The following HLX variants were observed in gnomAD, a reference collection of about 807,000 sequenced individuals.
The protein encoded by HLX is H2.0-like homeobox protein.
A neutral mutation model predicts 27.7 loss-of-function variants in HLX; 6 were observed. The ratio of observed to expected loss-of-function variants is 0.22; its 90% CI spans 0.12 to 0.43. The LOEUF is 0.43. Among genes scored for constraint, HLX ranks in the 20% least tolerant of loss-of-function variants. The pLI, the probability that HLX is intolerant of heterozygous loss-of-function variation, is 1.00. For missense variants in HLX, 666 were observed against 655.2 expected, an observed-to-expected ratio of 1.02 and a Z score of -0.18; for synonymous variants, 328 against 293.8, an observed-to-expected ratio of 1.12 and a Z score of -1.19.
Position 220,882,247 on chromosome 1 carries a change from C to G in HLX, c.856C>G (p.Leu286Val). 6.2e-7 allele frequency: 1 copy of G among 1,614,242 alleles called. No homozygotes were observed. The highest frequency in any genetic ancestry group is 8.5e-7 in the Non-Finnish European group (1 of 1,180,026). The change falls in exon 3 of 4, where the codon CTG becomes GTG. Residue 286 changes from leucine (L) to valine (V), a missense_variant. Coordinates refer to ENST00000366903, the MANE Select transcript of HLX (RefSeq NM_021958.4). The part of the protein sequence containing the change: ...RSWSRAVFSN[L>V]QRKGLEKRFE... The stretch of plus-strand genomic sequence containing the variant: ...ATGGTCGCGCGCTGTGTTCTCCAAC[C>G]TGCAGAGGAAAGGCCTGGAGAAAAG...
chr1:220,880,090 C>T lies in HLX; in HGVS notation c.233C>T (p.Ser78Leu), dbSNP rs778005584. ...GCCGCCCTCACCGCGCACTTGGGCT[C>T]GGTTCACCCGCACGCCTCTTTCCAA... Reference protein sequence around the residue: ...SAAALTAHLGSVHPHASFQAA... With the variant: ...SAAALTAHLGLVHPHASFQAA... The change falls in exon 1 of 4, where the codon TCG becomes TTG. Residue 78 changes from serine to leucine, a missense_variant. Physicochemically the swap from Ser to Leu is moderately radical, Grantham distance 145. Coordinates refer to ENST00000366903, the MANE Select transcript of HLX (RefSeq NM_021958.4). 10 of 1,595,566 alleles carry T rather than the reference C, an allele frequency of 6.3e-6. No homozygotes were observed. The Admixed American group carries it at 1.0e-4, about 16-fold the overall frequency.
Position 220,884,732 on chromosome 1 carries a change from C to T in HLX, c.*28C>T. On this transcript the variant is annotated 3_prime_UTR_variant, in exon 4 of 4. Transcript: ENST00000366903. The surrounding 1 kb of genome is among the most constrained non-coding windows in gnomAD (Gnocchi z 4.9). ...TGTACTAGGGCGGAGGGGATCCGGG[C>T]CTTGCGTGCAGCCTCCCAACCATGG... 6.2e-7 allele frequency: 1 copy of T among 1,600,830 alleles called. No homozygotes were observed. The highest frequency in any genetic ancestry group is 8.5e-7 in the Non-Finnish European group (1 of 1,178,014).
chr1:220,879,748 G>C lies in HLX; in HGVS notation c.-110G>C. 1 of 1,420,956 alleles carries C rather than the reference G, an allele frequency of 7.0e-7. No homozygotes were observed. The highest frequency in any genetic ancestry group is 9.2e-7 in the Non-Finnish European group (1 of 1,092,708). The allele number at this position is 1,420,956 out of a possible 1,614,324, so 88.0% of individuals were successfully genotyped here. ...TCAGTGCGGGCGGAGAAGCGAAAGC[G>C]GATCGTCCTCGGCTGCCGCCGCCTT... On this transcript the variant is annotated 5_prime_UTR_variant, in exon 1 of 4. Transcript: ENST00000366903.
Position 220,884,065 on chromosome 1 carries a change from G to T in HLX, c.958-130G>T. 1.1e-6 allele frequency: 1 copy of T among 919,094 alleles called. No individual in the cohort carries two copies. 56.9% of individuals were successfully genotyped at this position (919,094 alleles called of 1,614,324 possible). A position where few individuals can be genotyped will look rare whatever the true frequency, so the allele number is the denominator to read the frequency against. ...GCGCCTACCACAGTGTCTGGTCCTT[G>T]GTAGAGTCGCCAAGTAAGCGTTGCT... On this transcript the variant is annotated intron_variant, in intron 3 of 3. Coordinates refer to ENST00000366903, the MANE Select transcript of HLX (RefSeq NM_021958.4). The surrounding 1 kb of genome is among the most constrained non-coding windows in gnomAD (Gnocchi z 4.9).
In HLX at chr1:220,884,605, C is replaced by A. The variant is rs779447590; in HGVS notation, c.1368C>A (p.Gly456=). 1 of 1,604,784 alleles carries A rather than the reference C, an allele frequency of 6.2e-7. No individual in the cohort carries two copies. Among genetic ancestry groups the A allele is most frequent in the Non-Finnish European group, 8.5e-7 (1 of 1,175,798 alleles). Reference sequence around the variant, plus strand: ...GTGCGGGTTGCGCCAGCAGCCTTGGCGGCGGCGGCGCCTCGGAGCTTCTCC... The same window carrying A: ...GTGCGGGTTGCGCCAGCAGCCTTGGAGGCGGCGGCGCCTCGGAGCTTCTCC... ...STSAGCASSL[G]GGGASELLPA... The change falls in exon 4 of 4, where the codon GGC becomes GGA. Residue 456 remains glycine (G), a synonymous_variant. Transcript: ENST00000366903. The surrounding 1 kb of genome is among the most constrained non-coding windows in gnomAD (Gnocchi z 4.9).
intron 2 of HLX, chr1:220,881,761 TAAACAC>T: frequency 6.0e-6 from 2 of 333,684 alleles, no homozygotes; most frequent in South Asian, 4.8e-5. Context: ...CATGCGGGAA[TAAACAC>T]ACACACACAC....
intron 3 of HLX, 86 bp downstream of exon 3, chr1:220,882,434 C>T: frequency 7.9e-7 from 1 of 1,264,728 alleles, no homozygotes; most frequent in Non-Finnish European, 1.1e-6. Flanking sequence ...CCATCCCGGC[C>T]GACTGGCCTC....
In HLX at chr1:220,880,164, G is replaced by A; in HGVS notation, c.307G>A (p.Glu103Lys). The A allele has an allele frequency of 6.2e-7, 1 of 1,612,834 alleles. No individual in the cohort carries two copies. Among genetic ancestry groups the A allele is most frequent in the South Asian group, 1.1e-5 (1 of 91,058 alleles). Residue 103 changes from glutamate (E) to lysine (K), a missense_variant, in exon 1 of 4, where the codon GAA becomes AAA. Glu to Lys is a moderately conservative substitution (Grantham distance 56). Transcript: ENST00000366903. ...LRPTPVVAPS[E>K]VPAGFPQRLS... ...ACCCACCCCAGTGGTGGCGCCCTCC[G>A]AAGTCCCGGCTGGCTTCCCGCAGCG...
In HLX at chr1:220,884,187, C is replaced by T. The variant is rs1674517317; in HGVS notation, c.958-8C>T. The T allele has an allele frequency of 1.2e-6, 2 of 1,613,716 alleles. No homozygotes were observed. The highest frequency in any genetic ancestry group is 1.7e-6 in the Non-Finnish European group (2 of 1,179,906). ...TCTCTTCTTGTCTCCCGGTGTGGCG[C>T]GGCGCAGGTGAAGGTGTGGTTCCAG... On this transcript the variant is annotated splice_region_variant and splice_polypyrimidine_tract_variant and intron_variant, in intron 3 of 3. Coordinates refer to ENST00000366903, the MANE Select transcript of HLX (RefSeq NM_021958.4). The surrounding 1 kb of genome is among the most constrained non-coding windows in gnomAD (Gnocchi z 4.9).
At position 220,880,317 on chromosome 1, in the gene HLX, A is replaced by G; in HGVS notation, c.460A>G (p.Thr154Ala). The G allele has an allele frequency of 1.2e-6, 2 of 1,613,092 alleles. No individual in the cohort carries two copies. Among genetic ancestry groups the G allele is most frequent in the Non-Finnish European group, 8.5e-7 (1 of 1,179,560 alleles). The change falls in exon 1 of 4, where the codon ACG becomes GCG. Residue 154 changes from threonine (T) to alanine (A), a missense_variant. Thr to Ala is a moderately conservative substitution (Grantham distance 58). Transcript: ENST00000366903. ...CGCCCTGCAGCCCCCGGCCTCGGGG[A>G]CGCGAGTGGTTCCGAACCCCCACCA... ...AGALQPPASGTRVVPNPHHSG... is the reference protein window; with the variant it reads ...AGALQPPASGARVVPNPHHSG...
At position 220,884,875 on chromosome 1, in the gene HLX, C is replaced by G. The variant is rs1335507109; in HGVS notation, c.*171C>G. 1 of 1,073,236 alleles carries G rather than the reference C, an allele frequency of 9.3e-7. No individual in the cohort carries two copies. The highest frequency in any genetic ancestry group is 1.3e-6 in the Non-Finnish European group (1 of 764,190). The allele number at this position is 1,073,236 out of a possible 1,614,324, so 66.5% of individuals were successfully genotyped here. On this transcript the variant is annotated 3_prime_UTR_variant, in exon 4 of 4. Coordinates refer to ENST00000366903, the MANE Select transcript of HLX (RefSeq NM_021958.4). The surrounding 1 kb of genome is among the most constrained non-coding windows in gnomAD (Gnocchi z 4.9). ...CTGCTCCGACTGGCTGCAGCGGACACTGCCCAAAGCAGAGGGGAGTCTCAG... is the reference window on the plus strand; with the variant it reads ...CTGCTCCGACTGGCTGCAGCGGACAGTGCCCAAAGCAGAGGGGAGTCTCAG...
chr1:220,883,394 G>C (rs1409796424), intron 3 of HLX: 2 of 152,600 alleles, frequency 1.3e-5, no homozygotes, highest in African/African-American at 4.8e-5. Context: ...GCTGGAACTT[G>C]TGTGAATGCG....
Position 220,885,046 on chromosome 1 carries a change from C to A in HLX, c.*342C>A. The A allele has an allele frequency of 3.0e-6, 1 of 332,384 alleles. No homozygotes were observed. The highest frequency in any genetic ancestry group is 5.7e-6 in the Non-Finnish European group (1 of 176,514). The allele number at this position is 332,384 out of a possible 1,614,324, so 20.6% of individuals were successfully genotyped here. Reference sequence around the variant, plus strand: ...CTTAAATTTGTAAATAAAATGTTTACTACGGTTTGTAAAGGCCGCTTGGCT... The same window carrying A: ...CTTAAATTTGTAAATAAAATGTTTAATACGGTTTGTAAAGGCCGCTTGGCT... On this transcript the variant is annotated 3_prime_UTR_variant, in exon 4 of 4. Coordinates refer to ENST00000366903, the MANE Select transcript of HLX (RefSeq NM_021958.4).
In HLX at chr1:220,884,102, G is replaced by A; in HGVS notation, c.958-93G>A. The A allele has an allele frequency of 7.7e-7, 1 of 1,294,994 alleles. No individual in the cohort carries two copies. Among genetic ancestry groups the A allele is most frequent in the Non-Finnish European group, 1.1e-6 (1 of 899,148 alleles). The allele number at this position is 1,294,994 out of a possible 1,614,324, so 80.2% of individuals were successfully genotyped here. On this transcript the variant is annotated intron_variant, in intron 3 of 3. Coordinates refer to ENST00000366903, the MANE Select transcript of HLX (RefSeq NM_021958.4). The surrounding 1 kb of genome is among the most constrained non-coding windows in gnomAD (Gnocchi z 4.9). ...AAGTAAGCGTTGCTTTTTCACTCAGGGAGGTGGCTTGAGGGTGCACGCGAG... is the reference window on the plus strand; with the variant it reads ...AAGTAAGCGTTGCTTTTTCACTCAGAGAGGTGGCTTGAGGGTGCACGCGAG...
intron 2 of HLX, 85 bp downstream of exon 2, chr1:220,881,458 C>T: frequency 8.7e-7 from 1 of 1,149,214 alleles, no homozygotes; most frequent in East Asian, 2.3e-5. Flanking sequence ...AGGGCTGCCA[C>T]GGTGTCGCAA....
rs781726766 is a variant in HLX at position 220,879,848 on chromosome 1, C to T, written c.-10C>T. On this transcript the variant is annotated 5_prime_UTR_variant, in exon 1 of 4. Coordinates refer to ENST00000366903, the MANE Select transcript of HLX (RefSeq NM_021958.4). ...TGGACTGCGGCAGCCGCGCGGCTCA[C>T]CCCGGCAGGATGTTCGCAGCCGGGC... The T allele has an allele frequency of 5.1e-6, 8 of 1,566,742 alleles. No individual in the cohort carries two copies. The highest frequency in any genetic ancestry group is 1.8e-5 in the Admixed American group (1 of 55,982).
intron 1 of HLX, 138 bp from the exon 2 acceptor site, chr1:220,881,056 T>C: frequency 1.3e-6 from 1 of 777,864 alleles, no homozygotes; most frequent in South Asian, 1.7e-5. Context: ...GAGAGAGAGG[T>C]TTCAGCGCCT....
chr1:220,880,662 T>TA, intron 1 of HLX: 1 of 605,442 alleles, frequency 1.7e-6, no homozygotes, highest in Non-Finnish European at 2.9e-6. Context: ...AGGGATTCTT[T>TA]AAAAACACGT....
In HLX at chr1:220,879,471, A is replaced by C; in HGVS notation, c.-387A>C. On this transcript the variant is annotated 5_prime_UTR_variant, in exon 1 of 4. Transcript: ENST00000366903. ...ACTTTTCCCCCCCCCTAACTAACGG[A>C]CTATTATTGTTGTTGTTTTAAATTT... The C allele has an allele frequency of 2.8e-5, 5 of 181,108 alleles. No homozygotes were observed. The highest frequency in any genetic ancestry group is 4.4e-5 in the Non-Finnish European group (4 of 90,340). The allele number at this position is 181,108 out of a possible 1,614,324, so 11.2% of individuals were successfully genotyped here.
Sources: gnomAD v4.1 joint callset for allele counts on GRCh38, gnomAD v4.1.1 for gene constraint, Gnocchi (gnomAD v3.1) non-coding constraint, MANE v1.5 for transcripts, NCBI Gene and HGNC (gene_info 2026-07-23, HGNC 2026-07-21) for gene names.